STAU2: variants seen among roughly 807,000 people sequenced by gnomAD.
STAU2 encodes the protein staufen double-stranded RNA binding protein 2, also known as double-stranded RNA-binding protein Staufen homolog 2.
A neutral mutation model predicts 65.9 loss-of-function variants in STAU2; 20 were observed. That is an observed-to-expected ratio of 0.30 (90% CI 0.21 to 0.44). The LOEUF (loss-of-function observed/expected upper bound fraction) is 0.44. Ranked by LOEUF, STAU2 falls within the 20% of genes least tolerant of loss-of-function variation. STAU2 has a pLI of 1.00. For missense variants in STAU2, 558 were observed against 683.9 expected (o/e 0.82, Z 2.05); for synonymous variants, 232 against 233.9 (o/e 0.99, Z 0.07).
At chr8:73,426,787 T>A (rs1790619004) in intron 13 of STAU2, among the ~76,000 whole-genome samples, 1 of 152,206 alleles carries the variant, frequency 6.6e-6, no homozygotes, top group African/African-American at 2.4e-5. Context: ...CTGCACAGTA[T>A]CCTATCGATA....
intron 3 of STAU2, among the ~76,000 whole-genome samples, chr8:73,720,046 G>T (rs765764177): frequency 3.9e-5 from 6 of 152,098 alleles, no homozygotes; most frequent in Admixed American, 1.3e-4. Context: ...TCAGGCCAAA[G>T]CAAGAGGATC....
intron 13 of STAU2, among the ~76,000 whole-genome samples, chr8:73,446,257 A>G (rs1257293679): frequency 6.6e-6 from 1 of 152,246 alleles, no homozygotes; most frequent in Non-Finnish European, 1.5e-5. Flanking sequence ...GATGGAGAAC[A>G]GATTCATGGT....
chr8:73,729,064 AC>A (rs1452789562), intron 3 of STAU2, among the ~76,000 whole-genome samples: 2 of 152,176 alleles, frequency 1.3e-5, no homozygotes, highest in Admixed American at 1.3e-4. Flanking sequence ...TTTTTCATAA[AC>A]GCTGAATGTT....
At chr8:73,679,366 T>C (rs1023157385) in intron 5 of STAU2, among the ~76,000 whole-genome samples, 1 of 152,032 alleles carries the variant, frequency 6.6e-6, no homozygotes, top group African/African-American at 2.4e-5. Context: ...CACAAGAACA[T>C]ACCAGGAAAA....
chr8:73,693,866 A>G (rs1239487191), intron 4 of STAU2, among the ~76,000 whole-genome samples: 1 of 152,258 alleles, frequency 6.6e-6, no homozygotes, highest in African/African-American at 2.4e-5. Flanking sequence ...GTTAGTTGTG[A>G]AAATTAGAAC....
chr8:73,460,461 C>T (rs10112982), intron 13 of STAU2, among the ~76,000 whole-genome samples: 66,664 of 152,090 alleles, frequency 0.44, 14,796 homozygotes, highest in Non-Finnish European at 0.46. Context: ...CATTTGACGA[C>T]ATCTAGCTTA....
chr8:73,729,410 C>T (rs1193566068), intron 3 of STAU2, among the ~76,000 whole-genome samples: 1 of 152,184 alleles, frequency 6.6e-6, no homozygotes, highest in Non-Finnish European at 1.5e-5. Context: ...GGTAATAATA[C>T]TGGCCTCAAA....
At chr8:73,588,269 C>T (rs1810518979) in intron 11 of STAU2, among the ~76,000 whole-genome samples, 1 of 152,148 alleles carries the variant, frequency 6.6e-6, no homozygotes. Context: ...ATGTTAACAG[C>T]TTTGGCAGGG....
chr8:73,739,492 C>G (rs1378159510), intron 2 of STAU2, among the ~76,000 whole-genome samples: 1 of 152,098 alleles, frequency 6.6e-6, no homozygotes, highest in Non-Finnish European at 1.5e-5. Context: ...CCCCTGGAAG[C>G]AAACGTTTTG....
At chr8:73,647,750 T>C (rs557141429) in intron 6 of STAU2, among the ~76,000 whole-genome samples, 222 of 152,176 alleles carry the variant, frequency 1.5e-3, no homozygotes, top group African/African-American at 5.1e-3. Flanking sequence ...GGCTAATTTA[T>C]TTTTATTTTT....
At position 73,574,354 on chromosome 8, in the gene STAU2, G is replaced by A. The variant is rs1446934621; in HGVS notation, c.1222+8416C>T. 4.6e-5 allele frequency among the ~76,000 whole-genome samples: 7 copies of A among 152,090 alleles called. No individual in the cohort carries two copies. The South Asian group carries it at 1.0e-3, about 23-fold the overall frequency. On this transcript the variant is annotated intron_variant, in intron 12 of 14. Coordinates refer to ENST00000524300, the MANE Select transcript of STAU2 (RefSeq NM_001164380.2). ...ATTGTGCAAGACAGTGTGGCCACTC[G>A]TCAAGAGTCTAGAACTAGAAATACC...
At chr8:73,668,978 T>C (rs1020881702) in intron 6 of STAU2, 3 of 691,174 alleles carry the variant, frequency 4.3e-6, no homozygotes, top group Non-Finnish European at 7.9e-6. Flanking sequence ...CTCTAAATGA[T>C]ACCTGTTTCT....
intron 12 of STAU2, among the ~76,000 whole-genome samples, chr8:73,554,096 A>G (rs928915939): frequency 6.6e-6 from 1 of 152,174 alleles, no homozygotes; most frequent in Admixed American, 6.5e-5. Context: ...ATGCTAGTCT[A>G]ATCCACTTTC....
At chr8:73,541,795 A>G (rs1806561821) in intron 13 of STAU2, among the ~76,000 whole-genome samples, 1 of 152,162 alleles carries the variant, frequency 6.6e-6, no homozygotes, top group Non-Finnish European at 1.5e-5. Context: ...ATACAACAAA[A>G]TGAAAAATTT....
chr8:73,667,264 ATAT>A (rs1817307749), intron 6 of STAU2, among the ~76,000 whole-genome samples: 1 of 152,108 alleles, frequency 6.6e-6, no homozygotes, highest in African/African-American at 2.4e-5. Flanking sequence ...TGCCAAAGCA[ATAT>A]TCCTAAAACA....
At chr8:73,630,542 G>A (rs1252093246) in intron 6 of STAU2, among the ~76,000 whole-genome samples, 2 of 152,178 alleles carry the variant, frequency 1.3e-5, no homozygotes, top group Non-Finnish European at 2.9e-5. Context: ...AATACAAAGT[G>A]TGGCCAAAGA....
intron 5 of STAU2, among the ~76,000 whole-genome samples, chr8:73,679,896 AAAC>A (rs905991555): frequency 6.6e-5 from 10 of 150,588 alleles, no homozygotes; most frequent in Non-Finnish European, 1.3e-4. Context: ...CTAAAAAAAA[AAAC>A]AAAACAAAAA....
At chr8:73,699,316 A>G (rs1819911191) in intron 4 of STAU2, among the ~76,000 whole-genome samples, 1 of 152,136 alleles carries the variant, frequency 6.6e-6, no homozygotes, top group South Asian at 2.1e-4. Flanking sequence ...GAAAAGAAAT[A>G]ATAAAGATCA....
At chr8:73,745,260 T>C (rs1010934318) in intron 1 of STAU2, among the ~76,000 whole-genome samples, 2 of 152,256 alleles carry the variant, frequency 1.3e-5, no homozygotes, top group Admixed American at 1.3e-4. Flanking sequence ...TTGTTTGCAG[T>C]AAGATACAAA....
Sources: allele counts gnomAD v4.1 joint callset (sites outside exome capture counted in the v4.1 genomes callset), GRCh38; gene constraint gnomAD v4.1.1; transcripts MANE v1.5; gene names NCBI Gene and HGNC (gene_info 2026-07-23, HGNC 2026-07-21).